The following HINT3 variants were observed in gnomAD, a reference collection of about 807,000 sequenced individuals.
HINT3 encodes adenosine 5'-monophosphoramidase HINT3.
A neutral mutation model predicts 19.1 loss-of-function variants in HINT3; 16 were observed. The observed-to-expected ratio is 0.84, with a 90% CI of 0.57 to 1.27. The LOEUF (loss-of-function observed/expected upper bound fraction) is 1.27. HINT3 is among the 50% of genes most tolerant of loss of function. The pLI, the probability that HINT3 is intolerant of heterozygous loss-of-function variation, is 0.00. For missense variants in HINT3, 197 were observed against 225.8 expected (o/e 0.87, Z 0.82); for synonymous variants, 75 against 84.8 (o/e 0.88, Z 0.63).
At chr6:125,957,475 C>A (rs1788857706) in intron 1 of HINT3, among the ~76,000 whole-genome samples, 1 of 152,208 alleles carries the variant, frequency 6.6e-6, no homozygotes, top group African/African-American at 2.4e-5. Context: ...GGGCCGAATG[C>A]TTTGGCCTAT....
rs758864276 is a variant in HINT3 at position 125,978,890 on chromosome 6, A to C, written c.*1214A>C. Reference sequence around the variant, plus strand: ...TTCAGCAAACATTTGTTGAACATTTAATGTGTACCAGATATTGCCAGGATC... The same window carrying C: ...TTCAGCAAACATTTGTTGAACATTTCATGTGTACCAGATATTGCCAGGATC... On this transcript the variant is annotated 3_prime_UTR_variant, in exon 5 of 5. Transcript: ENST00000229633. 2.0e-4 allele frequency: 31 copies of C among 152,228 alleles called. No individual in the cohort carries two copies. Among genetic ancestry groups the C allele is most frequent in the Non-Finnish European group, 4.0e-4 (27 of 68,038 alleles). The allele number at this position is 152,228 out of a possible 1,614,324, so 9.4% of individuals were successfully genotyped here. A position where few individuals can be genotyped will look rare whatever the true frequency, so the allele number is the denominator to read the frequency against.
intron 1 of HINT3, among the ~76,000 whole-genome samples, chr6:125,957,396 C>G (rs1187170588): frequency 1.3e-5 from 2 of 152,196 alleles, no homozygotes; most frequent in African/African-American, 4.8e-5. Context: ...CAGACTCACT[C>G]CTAGGGGACT....
chr6:125,957,084 G>C lies in HINT3; in HGVS notation c.107G>C (p.Gly36Ala), dbSNP rs2295005. The C allele has an allele frequency of 0.52, 809,426 of 1,550,710 alleles. 220,044 individuals carry two copies. The highest frequency in any genetic ancestry group is 0.95 in the East Asian group (38,667 of 40,902). ...VSSVGTCEAA[G>A]KSPEPKDYDS... Reference sequence around the variant, plus strand: ...TCAGTGGGGACCTGTGAAGCCGCTGGCAAGTCACCAGAGCCCAAGGACTAC... The same window carrying C: ...TCAGTGGGGACCTGTGAAGCCGCTGCCAAGTCACCAGAGCCCAAGGACTAC... Residue 36 changes from glycine (G) to alanine (A), a missense_variant, in exon 1 of 5, where the codon GGC becomes GCC. Transcript: ENST00000229633.
intron 1 of HINT3, among the ~76,000 whole-genome samples, chr6:125,962,306 AT>A (rs1249238536): frequency 0.2 from 7,570 of 38,348 alleles, 1,334 homozygotes; most frequent in Middle Eastern, 0.26. Context: ...ATATATATAT[AT>A]CACACATATA....
At position 125,957,009 on chromosome 6, in the gene HINT3, G is replaced by T; in HGVS notation, c.32G>T (p.Gly11Val). ...GAGGAACAGGTGAACCGCAGCGCCG[G>T]CCTGGCCCCCGACTGTGAGGCCTCG... MAEEQVNRSA[G>V]LAPDCEASAT... The change falls in exon 1 of 5, where the codon GGC becomes GTC. Residue 11 changes from glycine (G) to valine (V), a missense_variant. By Grantham distance (109) the Gly-to-Val change is moderately radical. Coordinates refer to ENST00000229633, the MANE Select transcript of HINT3 (RefSeq NM_138571.5). The T allele has an allele frequency of 1.3e-6, 2 of 1,550,532 alleles. No individual in the cohort carries two copies. Among genetic ancestry groups the T allele is most frequent in the Non-Finnish European group, 1.7e-6 (2 of 1,146,850 alleles).
At position 125,957,168 on chromosome 6, in the gene HINT3, T is replaced by C; in HGVS notation, c.191T>C (p.Leu64Pro). ...CGGCAGGACCCGGGCACCGAACTCC[T>C]GCACTGCGAGGTGGGCGGCGACGCG... ...AGRQDPGTEL[L>P]HCENEDLICF... is the part of the protein sequence containing the mutation. The change falls in exon 1 of 5, where the codon CTG (leucine) becomes CCG (proline). Residue 64 changes from leucine (L) to proline (P), a missense_variant. Transcript: ENST00000229633. 1 of 1,545,206 alleles carries C rather than the reference T, an allele frequency of 6.5e-7. No homozygotes were observed. Among genetic ancestry groups the C allele is most frequent in the Non-Finnish European group, 8.7e-7 (1 of 1,143,306 alleles).
intron 1 of HINT3, among the ~76,000 whole-genome samples, chr6:125,965,066 G>T (rs571803665): frequency 6.6e-6 from 1 of 152,176 alleles, no homozygotes; most frequent in Admixed American, 6.5e-5. Context: ...AATTAAGATT[G>T]GGAAAATAAA....
intron 3 of HINT3, among the ~76,000 whole-genome samples, chr6:125,973,553 ACTGT>A (rs1789139954): frequency 6.6e-6 from 1 of 152,170 alleles, no homozygotes; most frequent in Non-Finnish European, 1.5e-5. Context: ...CTCTACGTAC[ACTGT>A]CTGTATTAGT....
In HINT3 at chr6:125,980,048, T is replaced by A. The variant is rs1388896453; in HGVS notation, c.*2372T>A. 2.6e-5 allele frequency: 4 copies of A among 152,176 alleles called. No homozygotes were observed. Among genetic ancestry groups the A allele is most frequent in the African/African-American group, 9.7e-5 (4 of 41,446 alleles). 9.4% of individuals were successfully genotyped at this position (152,176 alleles called of 1,614,324 possible). ...AATATCCATTTAGCCTTTTCAGTAG[T>A]CTAAATATTTGGTAACTCCCTAGCC... is the stretch of plus-strand genomic sequence containing the variant. On this transcript the variant is annotated 3_prime_UTR_variant, in exon 5 of 5. Coordinates refer to ENST00000229633, the MANE Select transcript of HINT3 (RefSeq NM_138571.5).
At chr6:125,971,663 T>C (rs1232574921) in intron 2 of HINT3, among the ~76,000 whole-genome samples, 1 of 149,822 alleles carries the variant, frequency 6.7e-6, no homozygotes, top group African/African-American at 2.5e-5. Context: ...ACGTATCGAG[T>C]AGCTAGGACT....
chr6:125,970,235 T>A (rs1421329373), intron 2 of HINT3, among the ~76,000 whole-genome samples: 1 of 152,170 alleles, frequency 6.6e-6, no homozygotes, highest in Non-Finnish European at 1.5e-5. Flanking sequence ...TGAAGTTCTA[T>A]CAGTACATTT....
chr6:125,966,807 AT>A, intron 1 of HINT3, 79 bp from the exon 2 acceptor site: 1 of 874,276 alleles, frequency 1.1e-6, no homozygotes, highest in Non-Finnish European at 1.8e-6. Context: ...TCAGACTGAG[AT>A]TAATGATATT....
At chr6:125,970,590 G>T (rs2128711630) in intron 2 of HINT3, among the ~76,000 whole-genome samples, 2 of 152,166 alleles carry the variant, frequency 1.3e-5, no homozygotes, top group South Asian at 4.1e-4. Flanking sequence ...AAAAGTTGTT[G>T]CAAATTAATA....
chr6:125,967,239 A>G (rs540381080), intron 2 of HINT3, among the ~76,000 whole-genome samples: 1 of 152,070 alleles, frequency 6.6e-6, no homozygotes, highest in Non-Finnish European at 1.5e-5. Flanking sequence ...AAATACATTA[A>G]CCTTTTCCCA....
chr6:125,957,057 C>T lies in HINT3; in HGVS notation c.80C>T (p.Ser27Phe). 2.6e-6 allele frequency: 4 copies of T among 1,550,828 alleles called. No homozygotes were observed. Among genetic ancestry groups the T allele is most frequent in the Non-Finnish European group, 3.5e-6 (4 of 1,146,862 alleles). Residue 27 changes from serine (S) to phenylalanine (F), a missense_variant, in exon 1 of 5, where the codon TCC becomes TTC. Transcript: ENST00000229633. ...EASATAETTV[S>F]SVGTCEAAGK... Reference sequence around the variant, plus strand: ...TCGGCGACTGCAGAAACTACGGTTTCCTCAGTGGGGACCTGTGAAGCCGCT... The same window carrying T: ...TCGGCGACTGCAGAAACTACGGTTTTCTCAGTGGGGACCTGTGAAGCCGCT...
chr6:125,970,043 G>A (rs1213455199), intron 2 of HINT3, among the ~76,000 whole-genome samples: 1 of 152,088 alleles, frequency 6.6e-6, no homozygotes, highest in Non-Finnish European at 1.5e-5. Context: ...GAGGTTCTGG[G>A]ATTAGTTTGA....
chr6:125,976,511 G>T (rs1789180198), intron 4 of HINT3, among the ~76,000 whole-genome samples: 2 of 144,094 alleles, frequency 1.4e-5, no homozygotes, highest in African/African-American at 2.6e-5. Context: ...CGGACAGCTG[G>T]TTTGGGTTTT....
intron 2 of HINT3, among the ~76,000 whole-genome samples, chr6:125,968,288 T>C (rs1789046714): frequency 6.6e-6 from 1 of 152,216 alleles, no homozygotes; most frequent in Admixed American, 6.5e-5. Flanking sequence ...TCCTGTGTAA[T>C]TCATTTAGAA....
intron 1 of HINT3, among the ~76,000 whole-genome samples, chr6:125,959,477 T>C (rs896308468): frequency 2.0e-5 from 3 of 152,226 alleles, no homozygotes; most frequent in African/African-American, 7.2e-5. Context: ...ATGACCCTTG[T>C]ATGTCCTTGC....
Sources: gnomAD v4.1 joint callset for allele counts (sites outside exome capture counted in the v4.1 genomes callset) on GRCh38, gnomAD v4.1.1 for gene constraint, MANE v1.5 for transcripts, NCBI Gene and HGNC (gene_info 2026-07-23, HGNC 2026-07-21) for gene names.